Variants in MSI2 observed in about 807,000 individuals in gnomAD.
MSI2 encodes musashi RNA binding protein 2, also known as RNA-binding protein Musashi homolog 2.
A neutral mutation model predicts 45.6 loss-of-function variants in MSI2; 17 were observed. The observed-to-expected ratio is 0.37, with a 90% CI of 0.26 to 0.56. The LOEUF (loss-of-function observed/expected upper bound fraction) is 0.56. Among genes scored for constraint, MSI2 ranks in the 20% least tolerant of loss-of-function variants. MSI2 has a pLI of 0.77. For synonymous variants in MSI2, 156 were observed against 158.2 expected (o/e 0.99, Z 0.11); for missense variants, 293 against 444.2 (o/e 0.66, Z 3.06).
intron 6 of MSI2, among the ~76,000 whole-genome samples, chr17:57,519,597 CT>C (rs889227523): frequency 6.6e-6 from 1 of 152,088 alleles, no homozygotes; most frequent in African/African-American, 2.4e-5. Context: ...TTTCCTTTAC[CT>C]TTCCAATCAT....
chr17:57,430,771 A>G (rs559395605), intron 6 of MSI2, among the ~76,000 whole-genome samples: 6 of 152,240 alleles, frequency 3.9e-5, no homozygotes, highest in African/African-American at 1.4e-4. Flanking sequence ...TGACCCAAGG[A>G]TGGTGGCCCA....
intron 13 of MSI2, among the ~76,000 whole-genome samples, chr17:57,678,486 C>A (rs907994051): frequency 6.6e-6 from 1 of 152,204 alleles, no homozygotes; most frequent in Non-Finnish European, 1.5e-5. Context: ...AAGATGGCTC[C>A]AGCCCTTTGT....
chr17:57,339,101 T>G (rs1349295241), intron 5 of MSI2, among the ~76,000 whole-genome samples: 1 of 152,202 alleles, frequency 6.6e-6, no homozygotes, highest in East Asian at 1.9e-4. Flanking sequence ...ATCTGTATTT[T>G]TTGTATCAAA....
At chr17:57,582,547 T>A (rs1277061375) in intron 7 of MSI2, among the ~76,000 whole-genome samples, 1 of 152,194 alleles carries the variant, frequency 6.6e-6, no homozygotes, top group African/African-American at 2.4e-5. Flanking sequence ...TTTAGTTTAT[T>A]TTGATACTTG....
intron 7 of MSI2, among the ~76,000 whole-genome samples, chr17:57,581,964 G>T (rs1005439161): frequency 1.3e-5 from 2 of 152,190 alleles, no homozygotes; most frequent in Non-Finnish European, 2.9e-5. Context: ...CCGTTAACAT[G>T]CAGGAGACAA....
At chr17:57,639,826 T>G (rs1417099122) in intron 10 of MSI2, among the ~76,000 whole-genome samples, 3 of 152,158 alleles carry the variant, frequency 2.0e-5, no homozygotes, top group Non-Finnish European at 4.4e-5. Context: ...GTGCTGGGAT[T>G]CAGGTAAGGC....
At chr17:57,671,015 G>A (rs1291653021) in intron 11 of MSI2, among the ~76,000 whole-genome samples, 3 of 152,028 alleles carry the variant, frequency 2.0e-5, no homozygotes, top group Admixed American at 2.0e-4. Flanking sequence ...TCACAGTCAG[G>A]TCTTCTGCCT....
chr17:57,581,799 C>T (rs2088213489), intron 7 of MSI2, among the ~76,000 whole-genome samples: 1 of 152,200 alleles, frequency 6.6e-6, no homozygotes. Context: ...TGTTAATTAA[C>T]AATATGATAA....
chr17:57,309,651 T>G (rs565431248), intron 5 of MSI2, among the ~76,000 whole-genome samples: 12 of 152,212 alleles, frequency 7.9e-5, no homozygotes, highest in Non-Finnish European at 5.9e-5. Flanking sequence ...TTGATCATCC[T>G]TGAGGGGAAT....
At chr17:57,455,639 A>C (rs2085099616) in intron 6 of MSI2, among the ~76,000 whole-genome samples, 1 of 152,096 alleles carries the variant, frequency 6.6e-6, no homozygotes, top group Admixed American at 6.5e-5. Flanking sequence ...GATGTTCTTG[A>C]GAGATGTGGG....
intron 11 of MSI2, among the ~76,000 whole-genome samples, chr17:57,670,629 G>A (rs190412050): frequency 6.6e-6 from 1 of 152,278 alleles, no homozygotes; most frequent in East Asian, 1.9e-4. Flanking sequence ...CGGTGTCCTT[G>A]CTTTTCTGGT....
intron 5 of MSI2, among the ~76,000 whole-genome samples, chr17:57,323,019 G>C (rs562182209): frequency 9.2e-5 from 14 of 152,024 alleles, no homozygotes; most frequent in Non-Finnish European, 2.1e-4. Context: ...CATATTGGTG[G>C]GGGGAGAGGG....
chr17:57,334,838 T>C (rs903394202), intron 5 of MSI2, among the ~76,000 whole-genome samples: 2 of 151,348 alleles, frequency 1.3e-5, no homozygotes, highest in South Asian at 2.1e-4. Context: ...CGTCCTCCAA[T>C]GGACTGAGAT....
intron 7 of MSI2, among the ~76,000 whole-genome samples, chr17:57,582,649 G>A (rs977022829): frequency 6.6e-6 from 1 of 152,170 alleles, no homozygotes; most frequent in African/African-American, 2.4e-5. Flanking sequence ...GCTAAATCAT[G>A]ATACTAATTT....
In MSI2 at chr17:57,304,357, CAAAAAAA is replaced by C. The variant is rs146857564; in HGVS notation, c.312+42174_312+42180del. Among the ~76,000 whole-genome samples the C allele has an allele frequency of 1.1e-4, 6 of 55,112 alleles. No homozygotes were observed. In the South Asian group the frequency reaches 2.5e-3, roughly 23 times the overall value. The allele number at this position is 55,112 out of a possible 152,430, so 36.2% of individuals were successfully genotyped here. ...GGGCGACAGAGTGAGACTCTGTCTC[CAAAAAAA>C]AAAAAAAAGAAAAAAGAAAAAAAGA... On this transcript the variant is annotated intron_variant, in intron 5 of 13. Transcript: ENST00000284073.
In MSI2 at chr17:57,454,221, A is replaced by G. The variant is rs201103952; in HGVS notation, c.405+52750A>G. 2.5e-4 allele frequency among the ~76,000 whole-genome samples: 38 copies of G among 152,322 alleles called. 2 individuals carry two copies. In the East Asian group the frequency reaches 6.4e-3, roughly 26 times the overall value. ...AGTGATGATTAATAGTGCCTTTGGC[A>G]GCCCCCAAAACCACCAGGAACTGTG... On this transcript the variant is annotated intron_variant, in intron 6 of 13. Coordinates refer to ENST00000284073, the MANE Select transcript of MSI2 (RefSeq NM_138962.4).
At chr17:57,433,585 A>G (rs895984671) in intron 6 of MSI2, among the ~76,000 whole-genome samples, 1 of 152,222 alleles carries the variant, frequency 6.6e-6, no homozygotes, top group Non-Finnish European at 1.5e-5. Context: ...GGACTTTGTT[A>G]CAGCAGCCCT....
Position 57,256,664 on chromosome 17 carries a change from G to A in MSI2, c.-79G>A, listed in dbSNP as rs1259704573. On this transcript the variant is annotated 5_prime_UTR_variant, in exon 1 of 14. Transcript: ENST00000284073. ...GGGAGGAGGGAGCGGAGATCTCGGGGCTCGGAGCCGGCCGCCGCTCCGCTC... is the reference window on the plus strand; with the variant it reads ...GGGAGGAGGGAGCGGAGATCTCGGGACTCGGAGCCGGCCGCCGCTCCGCTC... 1 of 594,798 alleles carries A rather than the reference G, an allele frequency of 1.7e-6. No individual in the cohort carries two copies. Among genetic ancestry groups the A allele is most frequent in the African/African-American group, 2.1e-5 (1 of 48,746 alleles). 36.8% of individuals were successfully genotyped at this position (594,798 alleles called of 1,614,324 possible).
At chr17:57,656,422 C>T (rs1323749016) in intron 11 of MSI2, among the ~76,000 whole-genome samples, 1 of 152,218 alleles carries the variant, frequency 6.6e-6, no homozygotes, top group Non-Finnish European at 1.5e-5. Context: ...ACCAGCAAGA[C>T]TCCTTCAAGC....
Sources: gnomAD v4.1 joint callset for allele counts (sites outside exome capture counted in the v4.1 genomes callset) on GRCh38, gnomAD v4.1.1 for gene constraint, MANE v1.5 for transcripts, NCBI Gene and HGNC (gene_info 2026-07-23, HGNC 2026-07-21) for gene names.